Variants in DMD observed in about 807,000 individuals in gnomAD.
DMD encodes the protein mutant dystrophin.
A neutral mutation model predicts 330.1 loss-of-function variants in DMD; 63 were observed. The observed-to-expected ratio is 0.19, with a 90% CI of 0.16 to 0.24. The LOEUF (loss-of-function observed/expected upper bound fraction) is 0.24. DMD is among the 10% of genes least tolerant of loss of function. The probability of loss-of-function intolerance (pLI) is 1.00; values close to 1 mark genes in which losing one functional copy is unlikely to be tolerated. For missense variants in DMD, 3,344 were observed against 2,684.1 expected (o/e 1.25, Z -5.43); for synonymous variants, 1,223 against 959.8 (o/e 1.27, Z -5.07).
chrX:32,783,436 AAAAT>A (rs1350361645), intron 7 of DMD, among the ~76,000 whole-genome samples: 24 of 107,705 alleles, frequency 2.2e-4, no homozygotes, highest in African/African-American at 7.4e-4. Flanking sequence ...ATTTCCAAAA[AAAAT>A]AAATTGTTTC....
intron 47 of DMD, among the ~76,000 whole-genome samples, chrX:31,894,532 G>T (rs1195708800): frequency 8.9e-6 from 1 of 111,784 alleles, no homozygotes; most frequent in Non-Finnish European, 1.9e-5. Flanking sequence ...AGGACCTTAC[G>T]TCCCGGGGGA....
intron 60 of DMD, among the ~76,000 whole-genome samples, chrX:31,351,524 G>A (rs999767483): frequency 2.1e-4 from 23 of 109,295 alleles, no homozygotes; most frequent in African/African-American, 6.7e-4. Flanking sequence ...TCAGGAGTTC[G>A]AGACCGGTCT....
At chrX:32,193,091 TC>T (rs768246935) in intron 44 of DMD, among the ~76,000 whole-genome samples, 1 of 111,337 alleles carries the variant, frequency 9.0e-6, no homozygotes, top group African/African-American at 3.3e-5. Flanking sequence ...TCATTCTGTC[TC>T]TCTTGCTCCT....
At chrX:32,672,387 C>T (rs1182135021) in intron 9 of DMD, among the ~76,000 whole-genome samples, 2 of 111,223 alleles carry the variant, frequency 1.8e-5, no homozygotes, top group African/African-American at 3.3e-5. Context: ...AATACACTTG[C>T]AATTCATGAT....
intron 63 of DMD, among the ~76,000 whole-genome samples, chrX:31,224,216 G>A (rs749372664): frequency 2.7e-5 from 3 of 111,693 alleles, no homozygotes; most frequent in African/African-American, 9.8e-5. Context: ...ATCATGGACC[G>A]ACTGACCAAC....
intron 61 of DMD, among the ~76,000 whole-genome samples, chrX:31,341,891 G>GCGCACA (rs374298104): frequency 0.099 from 9,750 of 98,696 alleles, 561 homozygotes; most frequent in East Asian, 0.23. Context: ...GTGCGCGCGC[G>GCGCACA]CACACACACA....
chrX:31,559,502 A>G (rs1368026753), intron 55 of DMD, among the ~76,000 whole-genome samples: 1 of 89,225 alleles, frequency 1.1e-5, no homozygotes. Context: ...TTAGCTGGGC[A>G]TGGTGGCGCG....
chrX:31,939,995 T>G (rs1287326488), intron 45 of DMD, among the ~76,000 whole-genome samples: 2 of 111,941 alleles, frequency 1.8e-5, no homozygotes, highest in African/African-American at 6.5e-5. Context: ...CAACAGCCAT[T>G]TATTGAGGGT....
chrX:32,654,248 T>C (rs2060391494), intron 9 of DMD, among the ~76,000 whole-genome samples: 1 of 111,753 alleles, frequency 8.9e-6, no homozygotes, highest in African/African-American at 3.3e-5. Flanking sequence ...AGGGAATGCT[T>C]CCAGTTTTTG....
chrX:33,179,997 T>C (rs1293105690), intron 1 of DMD, among the ~76,000 whole-genome samples: 1 of 109,629 alleles, frequency 9.1e-6, no homozygotes, highest in Non-Finnish European at 1.9e-5. Flanking sequence ...CCACCACGCC[T>C]GGCTAATTTT....
intron 1 of DMD, among the ~76,000 whole-genome samples, chrX:33,322,876 T>C (rs2054035804): frequency 8.9e-6 from 1 of 111,790 alleles, no homozygotes. Flanking sequence ...TGAGGCTTGG[T>C]GATGAGATTA....
chrX:32,125,891 T>C (rs1251792191), intron 44 of DMD, among the ~76,000 whole-genome samples: 1 of 111,975 alleles, frequency 8.9e-6, no homozygotes, highest in Non-Finnish European at 1.9e-5. Flanking sequence ...TAAAATGTGG[T>C]CCTGGAACCA....
chrX:32,748,413 A>C (rs2070362377), intron 7 of DMD, among the ~76,000 whole-genome samples: 2 of 110,975 alleles, frequency 1.8e-5, no homozygotes, highest in South Asian at 3.8e-4. Context: ...TGGGGCATTT[A>C]ATCCTGTTAT....
intron 55 of DMD, among the ~76,000 whole-genome samples, chrX:31,522,738 C>T (rs113307348): frequency 0.017 from 1,899 of 110,177 alleles, 54 homozygotes; most frequent in Admixed American, 0.098. Flanking sequence ...GTTGAATTTC[C>T]AAGGAGATGT....
intron 1 of DMD, among the ~76,000 whole-genome samples, chrX:33,294,321 C>T (rs1474449152): frequency 9.0e-6 from 1 of 111,150 alleles, no homozygotes; most frequent in Non-Finnish European, 1.9e-5. Context: ...ATCCATGGAG[C>T]CCCTGACACT....
At chrX:32,836,340 A>AT (rs764676734) in intron 4 of DMD, among the ~76,000 whole-genome samples, 2 of 110,507 alleles carry the variant, frequency 1.8e-5, no homozygotes, top group African/African-American at 3.3e-5. Context: ...CCTCAACTTC[A>AT]TTTTTTATAA....
chrX:31,518,758 C>T lies in DMD; in HGVS notation c.8218-11305G>A, dbSNP rs752873869. Among the ~76,000 whole-genome samples, 3 of 110,952 alleles carry T rather than the reference C, an allele frequency of 2.7e-5. No homozygotes were observed. The East Asian group carries it at 8.5e-4, about 31-fold the overall frequency. On this transcript the variant is annotated intron_variant, in intron 55 of 78. Coordinates refer to ENST00000357033, the MANE Select transcript of DMD (RefSeq NM_004006.3). The stretch of plus-strand genomic sequence containing the variant: ...ACTCTATGAAATAGGCCTTCTTTAT[C>T]CCCTATCGAGGAAACCACGAGTTTG...
intron 20 of DMD, among the ~76,000 whole-genome samples, chrX:32,486,940 G>A (rs181548743): frequency 1.5e-3 from 168 of 109,711 alleles, no homozygotes; most frequent in African/African-American, 2.3e-3. Context: ...CATAGGCATG[G>A]GCAAGGACTT....
chrX:32,925,179 A>T (rs925908096), intron 2 of DMD, among the ~76,000 whole-genome samples: 4 of 93,413 alleles, frequency 4.3e-5, no homozygotes, highest in Non-Finnish European at 8.4e-5. Context: ...TTTTTTAGAA[A>T]AATAATTGAT....
Sources: gnomAD v4.1 joint callset for allele counts (sites outside exome capture counted in the v4.1 genomes callset) on GRCh38, gnomAD v4.1.1 for gene constraint, MANE v1.5 for transcripts, NCBI Gene and HGNC (gene_info 2026-07-23, HGNC 2026-07-21) for gene names.